The following FILIP1L variants were observed in gnomAD, a reference collection of about 807,000 sequenced individuals.
FILIP1L encodes filamin A-interacting protein 1-like.
In FILIP1L, 55 loss-of-function variants were observed where a neutral mutation model predicts 96.6. The ratio of observed to expected loss-of-function variants is 0.57; its 90% CI spans 0.46 to 0.71. The LOEUF is 0.71. FILIP1L is among the 30% of genes least tolerant of loss of function. FILIP1L has a pLI of 0.00. For missense variants in FILIP1L, 1,304 were observed against 1,321.2 expected (o/e 0.99, Z 0.20); for synonymous variants, 467 against 473.9 (o/e 0.99, Z 0.19).
intron 1 of FILIP1L, among the ~76,000 whole-genome samples, chr3:100,113,368 C>T (rs1354283949): frequency 6.6e-6 from 1 of 152,146 alleles, no homozygotes; most frequent in African/African-American, 2.4e-5. Flanking sequence ...ATGTGATGTG[C>T]CCATGGATAT....
chr3:99,950,938 G>T (rs1708158429), intron 1 of FILIP1L, among the ~76,000 whole-genome samples: 1 of 152,156 alleles, frequency 6.6e-6, no homozygotes, highest in Non-Finnish European at 1.5e-5. Context: ...GTCACCCAGG[G>T]ATTATTGGGT....
rs1380185918 is a variant in FILIP1L, at chr3:100,066,622, C to T, written c.-11+47431G>A. On this transcript the variant is annotated intron_variant, in intron 1 of 5. Transcript: ENST00000477258. ...TCTCGGCTCACTGCAAGCTCCGCCT[C>T]CCGGGTTCACGCCATTCTCCTGCCT... Among the ~76,000 whole-genome samples, 3 of 99,004 alleles carry T rather than the reference C, an allele frequency of 3.0e-5. 1 individual carries two copies. The highest frequency in any genetic ancestry group is 3.6e-4 in the South Asian group (1 of 2,770). 65.0% of individuals were successfully genotyped at this position (99,004 alleles called of 152,430 possible).
intron 4 of FILIP1L, among the ~76,000 whole-genome samples, chr3:99,880,160 GT>G (rs1194451324): frequency 1.3e-5 from 2 of 152,166 alleles, no homozygotes; most frequent in African/African-American, 4.8e-5. Flanking sequence ...CAAAGGGGAT[GT>G]CTGTGGTAAA....
At chr3:100,034,116 T>C (rs2065066953) in intron 1 of FILIP1L, among the ~76,000 whole-genome samples, 1 of 152,194 alleles carries the variant, frequency 6.6e-6, no homozygotes, top group African/African-American at 2.4e-5. Context: ...CATCATCCAT[T>C]GAAATTGACA....
chr3:100,086,746 G>A (rs2066016048), intron 1 of FILIP1L, among the ~76,000 whole-genome samples: 1 of 152,076 alleles, frequency 6.6e-6, no homozygotes, highest in Admixed American at 6.6e-5. Context: ...TCACTTTTGT[G>A]TCTAGGACAG....
At chr3:99,933,415 G>A (rs897336952) in intron 1 of FILIP1L, among the ~76,000 whole-genome samples, 4 of 152,130 alleles carry the variant, frequency 2.6e-5, no homozygotes, top group Admixed American at 6.5e-5. Context: ...GGTTGGGGAT[G>A]TGTAAGAGAT....
chr3:99,880,827 T>A (rs899876029), intron 4 of FILIP1L, among the ~76,000 whole-genome samples: 1 of 152,228 alleles, frequency 6.6e-6, no homozygotes, highest in Non-Finnish European at 1.5e-5. Flanking sequence ...TTTTAGTCTT[T>A]TTCTAAGCAT....
intron 1 of FILIP1L, among the ~76,000 whole-genome samples, chr3:100,104,541 G>T (rs2066362834): frequency 6.6e-6 from 1 of 152,182 alleles, no homozygotes; most frequent in African/African-American, 2.4e-5. Flanking sequence ...ATAGGCCTGT[G>T]TTCCCAAGAC....
At chr3:99,881,456 G>A (rs554669936) in intron 4 of FILIP1L, among the ~76,000 whole-genome samples, 1 of 152,032 alleles carries the variant, frequency 6.6e-6, no homozygotes, top group African/African-American at 2.4e-5. Flanking sequence ...TCCCTTGCCA[G>A]TACAGATTGT....
intron 3 of FILIP1L, among the ~76,000 whole-genome samples, chr3:99,929,533 T>TGTGTGTGTAAGCACATGTATGTGTGTGC (rs1181469281): frequency 6.6e-6 from 1 of 151,664 alleles, no homozygotes; most frequent in Non-Finnish European, 1.5e-5. Flanking sequence ...TGTGTGTGTG[T>TGTGTGTGTAAGCACATGTATGTGTGTGC]GTGTGTGTAA....
intron 4 of FILIP1L, among the ~76,000 whole-genome samples, chr3:99,889,261 C>T (rs927207938): frequency 1.3e-5 from 2 of 152,098 alleles, no homozygotes; most frequent in South Asian, 2.1e-4. Context: ...GCAATTCTTG[C>T]TTTACATATT....
intron 1 of FILIP1L, among the ~76,000 whole-genome samples, chr3:100,087,962 C>G (rs989588516): frequency 6.6e-6 from 1 of 151,512 alleles, no homozygotes; most frequent in African/African-American, 2.4e-5. Context: ...TCTCAAGTAG[C>G]TGGGATTACA....
rs71132503 is a variant in FILIP1L at position 99,983,458 on chromosome 3, A to ATGTG, written c.-10-52432_-10-52429dup. ...TATATATATGTATGTATATATATATATGTGTGTATATATATATATATATAT... is the reference window on the plus strand; with the variant it reads ...TATATATATGTATGTATATATATATATGTGTGTGTGTATATATATATATATATAT... On this transcript the variant is annotated intron_variant, in intron 1 of 5. Transcript: ENST00000477258. Among the ~76,000 whole-genome samples, 75 of 16,230 alleles carry ATGTG rather than the reference A, an allele frequency of 4.6e-3. 1 individual carries two copies. The highest frequency in any genetic ancestry group is 0.025 in the African/African-American group (75 of 2,994). The allele number at this position is 16,230 out of a possible 152,430, so 10.6% of individuals were successfully genotyped here.
intron 1 of FILIP1L, among the ~76,000 whole-genome samples, chr3:99,996,767 C>T (rs1709696383): frequency 3.3e-5 from 5 of 151,878 alleles, no homozygotes; most frequent in African/African-American, 1.2e-4. Flanking sequence ...TACTCACTAC[C>T]ATGAGAACAG....
At chr3:99,908,814 G>T (rs1157221172) in intron 4 of FILIP1L, among the ~76,000 whole-genome samples, 1 of 151,852 alleles carries the variant, frequency 6.6e-6, no homozygotes, top group Non-Finnish European at 1.5e-5. Flanking sequence ...ACCTTTCTTT[G>T]TATTTTTTGT....
At chr3:100,098,231 G>A (rs150575558) in intron 1 of FILIP1L, among the ~76,000 whole-genome samples, 27 of 152,286 alleles carry the variant, frequency 1.8e-4, no homozygotes, top group Non-Finnish European at 3.2e-4. Flanking sequence ...CAAACTACAC[G>A]GTACCTGTAT....
At chr3:99,892,172 T>C (rs1455158664) in intron 4 of FILIP1L, among the ~76,000 whole-genome samples, 1 of 152,224 alleles carries the variant, frequency 6.6e-6, no homozygotes, top group African/African-American at 2.4e-5. Context: ...ATGTGAATGA[T>C]GCCACTTTGA....
chr3:99,883,469 T>G (rs1705795299), intron 4 of FILIP1L, among the ~76,000 whole-genome samples: 1 of 152,234 alleles, frequency 6.6e-6, no homozygotes, highest in Non-Finnish European at 1.5e-5. Context: ...CATGATTATT[T>G]CAGCATTATC....
At chr3:99,884,315 A>G (rs574519203) in intron 4 of FILIP1L, among the ~76,000 whole-genome samples, 5 of 152,300 alleles carry the variant, frequency 3.3e-5, no homozygotes, top group African/African-American at 1.2e-4. Context: ...TAGAACAACA[A>G]TAATAGAAAG....
Sources: allele counts gnomAD v4.1 joint callset (sites outside exome capture counted in the v4.1 genomes callset), GRCh38; gene constraint gnomAD v4.1.1; transcripts MANE v1.5; gene names NCBI Gene and HGNC (gene_info 2026-07-23, HGNC 2026-07-21).